Variants in CABIN1 observed in about 807,000 individuals in gnomAD.
CABIN1 encodes the protein calcineurin-binding protein cabin-1.
A neutral mutation model predicts 227.7 loss-of-function variants in CABIN1; 133 were observed. The observed-to-expected ratio is 0.58, with a 90% CI of 0.51 to 0.67. The LOEUF is 0.67. Ranked by LOEUF, CABIN1 falls within the 30% of genes least tolerant of loss-of-function variation. CABIN1 has a pLI of 0.00. For missense variants in CABIN1, 2,408 were observed against 2,852.5 expected, an observed-to-expected ratio of 0.84 and a Z score of 3.55; for synonymous variants, 1,086 against 1,155.1, an observed-to-expected ratio of 0.94 and a Z score of 1.21.
chr22:24,042,879 T>TGTGTGC (rs2037533834), intron 5 of CABIN1, 25 bp from the exon 6 acceptor site: 2 of 1,450,242 alleles, frequency 1.4e-6, no homozygotes, highest in African/African-American at 3.0e-5. Flanking sequence ...TGTGTGTGTT[T>TGTGTGC]GCCCTCTGCT....
chr22:24,114,053 C>G (rs2042949414), intron 27 of CABIN1, among the ~76,000 whole-genome samples: 1 of 145,470 alleles, frequency 6.9e-6, no homozygotes, highest in African/African-American at 2.7e-5. Context: ...TCAGTGTGCT[C>G]TGTTTTTGTT....
chr22:24,156,086 T>TGGCGGGGGCGGGGGCCGGGACTGG lies in CABIN1; in HGVS notation c.4747-8310_4747-8287dup, dbSNP rs1569294261. 7.9e-5 allele frequency: 33 copies of TGGCGGGGGCGGGGGCCGGGACTGG among 415,916 alleles called. No individual in the cohort carries two copies. In the South Asian group the frequency reaches 1.9e-3, roughly 24 times the overall value. 25.8% of individuals were successfully genotyped at this position (415,916 alleles called of 1,614,324 possible). Reference sequence around the variant, plus strand: ...ACGGCGGAGCCGGCGGGTAGGAACTTGGCGGGGGCGGGGGCCGGGACTGGG... The same window carrying TGGCGGGGGCGGGGGCCGGGACTGG: ...ACGGCGGAGCCGGCGGGTAGGAACTTGGCGGGGGCGGGGGCCGGGACTGGGGCGGGGGCGGGGGCCGGGACTGGG... On this transcript the variant is annotated intron_variant, in intron 29 of 36. Coordinates refer to ENST00000263119, the MANE Select transcript of CABIN1 (RefSeq NM_012295.4).
chr22:24,155,419 T>C (rs575369578), intron 29 of CABIN1, among the ~76,000 whole-genome samples: 1 of 152,200 alleles, frequency 6.6e-6, no homozygotes, highest in South Asian at 2.1e-4. Flanking sequence ...TCCTGAGAGC[T>C]GCCTACTACT....
chr22:24,147,628 A>C (rs776351364), intron 29 of CABIN1, among the ~76,000 whole-genome samples: 8 of 151,220 alleles, frequency 5.3e-5, no homozygotes, highest in Non-Finnish European at 7.4e-5. Flanking sequence ...TCTTTTTTTG[A>C]GGGACAGGTC....
intron 1 of CABIN1, among the ~76,000 whole-genome samples, chr22:24,027,469 T>A (rs981472930): frequency 2.0e-5 from 3 of 152,264 alleles, no homozygotes; most frequent in African/African-American, 7.2e-5. Flanking sequence ...GGAGGGAAAT[T>A]AAGTATGCTG....
chr22:24,152,433 G>T (rs1218447036), intron 29 of CABIN1, among the ~76,000 whole-genome samples: 1 of 152,188 alleles, frequency 6.6e-6, no homozygotes, highest in African/African-American at 2.4e-5. Flanking sequence ...TTGGGGAAAG[G>T]AGAGGAAACT....
chr22:24,169,867 T>C (rs2046687847), intron 33 of CABIN1, among the ~76,000 whole-genome samples: 1 of 152,250 alleles, frequency 6.6e-6, no homozygotes. Context: ...GAGCCAGGGC[T>C]GGGCCAGACC....
At chr22:24,013,197 C>CTTTTTTTTTTTTTTT (rs35584227) in intron 1 of CABIN1, among the ~76,000 whole-genome samples, 1 of 113,514 alleles carries the variant, frequency 8.8e-6, no homozygotes, top group African/African-American at 3.5e-5. Context: ...TCTTTTTAAG[C>CTTTTTTTTTTTTTTT]TTTTTTTTTT....
In CABIN1 at chr22:24,091,607, C is replaced by G; in HGVS notation, c.3550C>G (p.Leu1184Val). Residue 1184 changes from leucine to valine, a missense_variant, in exon 24 of 37, where the codon CTA (leucine) becomes GTA (valine). Around this residue, in one of 3 missense-constraint regions of CABIN1, gnomAD observed 649 missense variants for 910.3 expected, o/e 0.71. Coordinates refer to ENST00000263119, the MANE Select transcript of CABIN1 (RefSeq NM_012295.4). ...QQMEGRRDSM[L>V]ETAKHCFTSA... ...GATGGAGGGCCGGCGCGACAGCATG[C>G]TAGAGACAGCCAAGCACTGTTTCAC... 1 of 1,614,220 alleles carries G rather than the reference C, an allele frequency of 6.2e-7. No homozygotes were observed.
chr22:24,043,573 G>A (rs1450213947), intron 6 of CABIN1, among the ~76,000 whole-genome samples: 1 of 152,040 alleles, frequency 6.6e-6, no homozygotes, highest in East Asian at 1.9e-4. Context: ...GCAACATGGT[G>A]AAACCCTGTC....
rs748326639 is a variant in CABIN1 at position 24,091,729 on chromosome 22, C to T, written c.3672C>T (p.Thr1224=). 12 of 1,614,004 alleles carry T rather than the reference C, an allele frequency of 7.4e-6. No homozygotes were observed. The highest frequency in any genetic ancestry group is 4.5e-5 in the East Asian group (2 of 44,894). ...CTGAGAAGCAGCAGCAGCCACCCACCGTTTACTTGCTGCACTACAGGCAGG... is the reference window on the plus strand; with the variant it reads ...CTGAGAAGCAGCAGCAGCCACCCACTGTTTACTTGCTGCACTACAGGCAGG... ...KVAEKQQQPP[T]VYLLHYRQAG... is the part of the protein sequence containing the mutation. The change falls in exon 24 of 37, where the codon ACC becomes ACT. Residue 1224 remains threonine (T), a synonymous_variant. Transcript: ENST00000263119.
intron 1 of CABIN1, among the ~76,000 whole-genome samples, chr22:24,028,508 T>C (rs1447856603): frequency 6.6e-6 from 1 of 152,228 alleles, no homozygotes; most frequent in Non-Finnish European, 1.5e-5. Flanking sequence ...CTGTGAATGA[T>C]GGATGCTGGT....
intron 28 of CABIN1, among the ~76,000 whole-genome samples, chr22:24,124,555 C>A (rs2043603066): frequency 1.3e-5 from 2 of 152,198 alleles, no homozygotes; most frequent in African/African-American, 4.8e-5. Context: ...TGCTGATAGC[C>A]ATAAGGGCCC....
intron 18 of CABIN1, among the ~76,000 whole-genome samples, chr22:24,075,462 T>G (rs570988920): frequency 3.3e-4 from 51 of 152,336 alleles, no homozygotes; most frequent in Non-Finnish European, 6.6e-4. Flanking sequence ...TAGACCTAAA[T>G]CTAAGAACTT....
intron 33 of CABIN1, among the ~76,000 whole-genome samples, chr22:24,170,495 G>A (rs905210177): frequency 1.3e-5 from 2 of 152,146 alleles, no homozygotes; most frequent in Non-Finnish European, 2.9e-5. Context: ...TGCCAGCTAG[G>A]CTGCTACAAC....
chr22:24,067,394 GCGTGGCT>G (rs555480708), intron 16 of CABIN1, among the ~76,000 whole-genome samples: 104 of 152,348 alleles, frequency 6.8e-4, no homozygotes, highest in African/African-American at 2.4e-3. Context: ...CTAGGGTTCT[GCGTGGCT>G]CAGGGTGAAC....
Position 24,042,791 on chromosome 22 carries a change from G to A in CABIN1, c.346-113G>A, listed in dbSNP as rs1047102567. 2.5e-5 allele frequency: 25 copies of A among 1,016,324 alleles called. No homozygotes were observed. In the African/African-American group the frequency reaches 3.5e-4, roughly 14 times the overall value. 63.0% of individuals were successfully genotyped at this position (1,016,324 alleles called of 1,614,324 possible). ...CCAGTGCCGTGCTCCTCCCGTCCCC[G>A]GGGTGCATATTCAAGGAGAGATCTG... is the stretch of plus-strand genomic sequence containing the variant. On this transcript the variant is annotated intron_variant, in intron 5 of 36. Transcript: ENST00000263119.
intron 6 of CABIN1, among the ~76,000 whole-genome samples, 194 bp downstream of exon 6, chr22:24,043,278 T>TA (rs1308515744): frequency 1.3e-5 from 2 of 150,310 alleles, no homozygotes; most frequent in Non-Finnish European, 3.0e-5. Context: ...CTTGTAGTAA[T>TA]AAAGTAGCAT....
intron 27 of CABIN1, among the ~76,000 whole-genome samples, chr22:24,114,021 C>T (rs933404741): frequency 2.0e-5 from 3 of 152,108 alleles, no homozygotes; most frequent in Non-Finnish European, 4.4e-5. Flanking sequence ...CAACCCAGCC[C>T]GGGAAAGCCA....
Sources: allele counts gnomAD v4.1 joint callset (sites outside exome capture counted in the v4.1 genomes callset), GRCh38; gene constraint gnomAD v4.1.1; regional missense constraint gnomAD v4.1.1; transcripts MANE v1.5; gene names NCBI Gene and HGNC (gene_info 2026-07-23, HGNC 2026-07-21).